LUZP2: variants seen among roughly 807,000 people sequenced by gnomAD.
LUZP2 encodes leucine zipper protein 2.
Under a neutral mutation model 51.6 loss-of-function variants are expected in LUZP2, and 52 were observed. That is an observed-to-expected ratio of 1.01 (90% CI 0.81 to 1.27). The LOEUF (loss-of-function observed/expected upper bound fraction) is 1.27. Ranked by LOEUF, LUZP2 falls within the 50% of genes most tolerant of loss-of-function variation. The pLI, the probability that LUZP2 is intolerant of heterozygous loss-of-function variation, is 0.00. For missense variants in LUZP2, 436 were observed against 395.4 expected (o/e 1.10, Z -0.87); for synonymous variants, 154 against 137.3 (o/e 1.12, Z -0.85).
At chr11:24,761,863 A>G (rs899319778) in intron 4 of LUZP2, among the ~76,000 whole-genome samples, 5 of 152,104 alleles carry the variant, frequency 3.3e-5, no homozygotes, top group Non-Finnish European at 7.4e-5. Flanking sequence ...ATTTTTCATA[A>G]GCGCATACAC....
chr11:25,028,689 TG>T (rs1295004600), intron 9 of LUZP2, among the ~76,000 whole-genome samples: 3 of 139,386 alleles, frequency 2.2e-5, no homozygotes, highest in African/African-American at 3.3e-5. Flanking sequence ...TTAATTTGCA[TG>T]TTTTTTTTTT....
chr11:24,712,729 A>C (rs950288133), intron 1 of LUZP2, among the ~76,000 whole-genome samples: 1 of 152,222 alleles, frequency 6.6e-6, no homozygotes, highest in Non-Finnish European at 1.5e-5. Flanking sequence ...AAAGGGGCTT[A>C]GAAGAGCCTG....
chr11:24,502,542 C>T lies in LUZP2; in HGVS notation c.62+5237C>T, dbSNP rs138339020. On this transcript the variant is annotated intron_variant, in intron 1 of 11. Transcript: ENST00000336930. ...GAGATTACAGGCGCCTGCCACCATG[C>T]CCGGCTGATTTTTTCGTATTTTTAG... is the stretch of plus-strand genomic sequence containing the variant. Among the ~76,000 whole-genome samples the T allele has an allele frequency of 6.6e-5, 10 of 151,548 alleles. No homozygotes were observed. The East Asian group carries it at 1.9e-3, about 29-fold the overall frequency.
chr11:24,549,352 C>G (rs555657592), intron 1 of LUZP2, among the ~76,000 whole-genome samples: 2 of 152,050 alleles, frequency 1.3e-5, no homozygotes, highest in Non-Finnish European at 2.9e-5. Flanking sequence ...TCAGCACACA[C>G]GGAGCTGTCC....
intron 1 of LUZP2, among the ~76,000 whole-genome samples, chr11:24,595,837 TA>T (rs144455113): frequency 0.058 from 8,835 of 152,278 alleles, 333 homozygotes; most frequent in Middle Eastern, 0.092. Flanking sequence ...TCAAGAAGCT[TA>T]CATTCAACAT....
intron 4 of LUZP2, among the ~76,000 whole-genome samples, chr11:24,754,572 A>G (rs1036348091): frequency 1.3e-5 from 2 of 152,180 alleles, no homozygotes; most frequent in African/African-American, 4.8e-5. Flanking sequence ...AGTAACAGGC[A>G]TATTTAGCCA....
intron 1 of LUZP2, among the ~76,000 whole-genome samples, chr11:24,603,682 C>G (rs965756866): frequency 6.9e-6 from 1 of 145,360 alleles, no homozygotes; most frequent in Non-Finnish European, 1.6e-5. Context: ...CTACATTAGC[C>G]TAATAAAATG....
At chr11:25,040,012 A>G (rs1354784963) in intron 9 of LUZP2, among the ~76,000 whole-genome samples, 1 of 152,124 alleles carries the variant, frequency 6.6e-6, no homozygotes, top group African/African-American at 2.4e-5. Flanking sequence ...TCATGGGTGG[A>G]CCACCCTCAC....
At chr11:24,878,657 T>A (rs1350460049) in intron 5 of LUZP2, among the ~76,000 whole-genome samples, 1 of 151,940 alleles carries the variant, frequency 6.6e-6, no homozygotes, top group Non-Finnish European at 1.5e-5. Context: ...TAATTTTTAT[T>A]TTAGTTTCAG....
Position 24,528,705 on chromosome 11 carries a change from T to A in LUZP2, c.62+31400T>A, listed in dbSNP as rs1850897543. Among the ~76,000 whole-genome samples, 4 of 151,162 alleles carry A rather than the reference T, an allele frequency of 2.6e-5. No homozygotes were observed. The Admixed American group carries it at 2.6e-4, about 10-fold the overall frequency. On this transcript the variant is annotated intron_variant, in intron 1 of 11. Coordinates refer to ENST00000336930, the MANE Select transcript of LUZP2 (RefSeq NM_001009909.4). ...TGGCCATAACAAAGCAACCTGGAGA[T>A]TCTGCTTTCTACAGAGACGAACTAA...
Position 24,824,390 on chromosome 11 carries a change from A to AAAAAAAT in LUZP2, c.396+61085_396+61086insAAATAAA, listed in dbSNP as rs1304693659. Among the ~76,000 whole-genome samples the AAAAAAAT allele has an allele frequency of 1.4e-3, 202 of 147,678 alleles. 6 individuals carry two copies. Among genetic ancestry groups the AAAAAAAT allele is most frequent in the African/African-American group, 4.8e-3 (191 of 39,408 alleles). The stretch of plus-strand genomic sequence containing the variant: ...TCAAAAAAAAAAAAAAAAAAAAAAA[A>AAAAAAAT]AAATGAGTGGTACCATTTACTGTGA... On this transcript the variant is annotated intron_variant, in intron 5 of 11. Transcript: ENST00000336930.
chr11:24,619,019 T>G (rs1854398210), intron 1 of LUZP2, among the ~76,000 whole-genome samples: 2 of 150,924 alleles, frequency 1.3e-5, no homozygotes. Context: ...TTTATTTATT[T>G]ATTTATTTAT....
chr11:24,959,330 A>G (rs377750465), intron 7 of LUZP2, among the ~76,000 whole-genome samples: 5 of 152,240 alleles, frequency 3.3e-5, no homozygotes, highest in Admixed American at 1.3e-4. Context: ...CATTGAATCT[A>G]TAAATTACCT....
At chr11:24,926,639 A>ATATATATATGTGTGTG (rs753014041) in intron 7 of LUZP2, among the ~76,000 whole-genome samples, 12 of 126,500 alleles carry the variant, frequency 9.5e-5, no homozygotes, top group Non-Finnish European at 1.5e-4. Flanking sequence ...GTATATATGT[A>ATATATATATGTGTGTG]TATATATATA....
intron 7 of LUZP2, among the ~76,000 whole-genome samples, chr11:24,918,214 A>C (rs1853865496): frequency 6.6e-6 from 1 of 152,126 alleles, no homozygotes; most frequent in African/African-American, 2.4e-5. Context: ...GAAGTTGCTT[A>C]TCAGCTTATG....
At chr11:24,645,138 C>T (rs1179662693) in intron 1 of LUZP2, among the ~76,000 whole-genome samples, 1 of 152,088 alleles carries the variant, frequency 6.6e-6, no homozygotes, top group Non-Finnish European at 1.5e-5. Flanking sequence ...CTTGAATTAT[C>T]AGTTTACTAT....
chr11:24,672,460 C>T (rs1380978379), intron 1 of LUZP2, among the ~76,000 whole-genome samples: 1 of 152,000 alleles, frequency 6.6e-6, no homozygotes, highest in Non-Finnish European at 1.5e-5. Context: ...ATATTTAATT[C>T]ATTGTATTTA....
chr11:24,538,556 G>C (rs915416103), intron 1 of LUZP2, among the ~76,000 whole-genome samples: 2 of 151,444 alleles, frequency 1.3e-5, no homozygotes, highest in East Asian at 3.9e-4. Context: ...TTTTAATAAA[G>C]TTGTTAGGTA....
intron 5 of LUZP2, among the ~76,000 whole-genome samples, chr11:24,832,210 GAATAGAACAAAATAT>G (rs982800317): frequency 4.6e-5 from 7 of 151,952 alleles, no homozygotes; most frequent in African/African-American, 1.7e-4. Flanking sequence ...CTTGAAAAAT[GAATAGAACAAAATAT>G]GAGAAGAGAT....
Sources: gnomAD v4.1 joint callset for allele counts (sites outside exome capture counted in the v4.1 genomes callset) on GRCh38, gnomAD v4.1.1 for gene constraint, MANE v1.5 for transcripts, NCBI Gene and HGNC (gene_info 2026-07-23, HGNC 2026-07-21) for gene names.